LAMP3: variants seen among roughly 807,000 people sequenced by gnomAD.
The protein encoded by LAMP3 is lysosome associated membrane protein 3, also known as lysosome-associated membrane glycoprotein 3.
Under a neutral mutation model 34.8 loss-of-function variants are expected in LAMP3, and 26 were observed. That is an observed-to-expected ratio of 0.75 (90% CI 0.55 to 1.04). LAMP3 has a LOEUF of 1.04. Among genes scored for constraint, LAMP3 ranks in the 50% least tolerant of loss-of-function variants. LAMP3 has a pLI of 0.00. For synonymous variants in LAMP3, 180 were observed against 201.9 expected (o/e 0.89, Z 0.92); for missense variants, 495 against 524.0 (o/e 0.94, Z 0.54).
At chr3:183,133,653 G>A (rs4358320) in intron 5 of LAMP3, among the ~76,000 whole-genome samples, 25,999 of 152,200 alleles carry the variant, frequency 0.17, 4,296 homozygotes, top group African/African-American at 0.43. Flanking sequence ...AACACGCCCA[G>A]TCCTAACTCT....
chr3:183,140,306 C>T (rs1429950567), intron 4 of LAMP3, among the ~76,000 whole-genome samples: 3 of 147,306 alleles, frequency 2.0e-5, no homozygotes, highest in African/African-American at 7.5e-5. Flanking sequence ...ACTTGGGAGG[C>T]TGAGACAAGA....
intron 1 of LAMP3, among the ~76,000 whole-genome samples, chr3:183,157,403 T>C (rs1200243114): frequency 6.6e-6 from 1 of 152,252 alleles, no homozygotes; most frequent in Non-Finnish European, 1.5e-5. Context: ...TTTGAGATTA[T>C]AATGGAGGTT....
intron 1 of LAMP3, among the ~76,000 whole-genome samples, chr3:183,158,486 C>T (rs1720884214): frequency 6.8e-6 from 1 of 148,104 alleles, no homozygotes; most frequent in South Asian, 2.2e-4. Flanking sequence ...CCCCACCCCA[C>T]CCCACCCCAG....
rs1475325396 is a variant in LAMP3, at chr3:183,154,339, T to G, written c.102A>C (p.Arg34Ser). 8.1e-6 allele frequency: 13 copies of G among 1,609,740 alleles called. No homozygotes were observed. In the Admixed American group the frequency reaches 2.2e-4, roughly 27 times the overall value. ...QMRAKAFPET[R>S]DYSQPTAAAT... ...CTGCTGCAGTAGGTTGAGAATAATC[T>G]CTGGTTTCTGGAAATGCTTTTGCTC... is the stretch of plus-strand genomic sequence containing the variant. The change falls in exon 2 of 6, where the codon AGA (arginine) becomes AGC (serine). Residue 34 changes from arginine to serine, a missense_variant. Arg to Ser is a moderately radical substitution (Grantham distance 110). Transcript: ENST00000265598.
At chr3:183,151,375 C>T (rs12496658) in intron 3 of LAMP3, among the ~76,000 whole-genome samples, 13,177 of 151,606 alleles carry the variant, frequency 0.087, 627 homozygotes, top group Admixed American at 0.12. Context: ...ACTGCAATTG[C>T]AGCTGCTGGC....
intron 5 of LAMP3, among the ~76,000 whole-genome samples, chr3:183,127,246 A>C (rs1335026750): frequency 6.6e-6 from 1 of 151,744 alleles, no homozygotes; most frequent in Non-Finnish European, 1.5e-5. Context: ...CCATCCTCCC[A>C]CCTCAGCTTC....
chr3:183,132,810 T>C (rs1409763673), intron 5 of LAMP3: 1 of 985,326 alleles, frequency 1.0e-6, no homozygotes, highest in African/African-American at 1.7e-5. Context: ...TTGAAGAAAG[T>C]GGGGCTTTAC....
At chr3:183,159,394 G>A (rs1375835765) in intron 1 of LAMP3, among the ~76,000 whole-genome samples, 5 of 152,226 alleles carry the variant, frequency 3.3e-5, no homozygotes, top group African/African-American at 7.2e-5. Flanking sequence ...ACACAGGGAC[G>A]GTATGGGAAG....
chr3:183,148,543 C>T (rs1245814020), intron 3 of LAMP3, among the ~76,000 whole-genome samples: 1 of 152,092 alleles, frequency 6.6e-6, no homozygotes, highest in Non-Finnish European at 1.5e-5. Flanking sequence ...AAGATCTGAA[C>T]AGACATTTCT....
rs1720076650 is a variant in LAMP3 at position 183,136,006 on chromosome 3, G to A, written c.947-119C>T. 4 of 786,810 alleles carry A rather than the reference G, an allele frequency of 5.1e-6. No individual in the cohort carries two copies. In the African/African-American group the frequency reaches 5.1e-5, roughly 10 times the overall value. The allele number at this position is 786,810 out of a possible 1,614,324, so 48.7% of individuals were successfully genotyped here. ...TCCTTCCTTCCGAGGGGCTTTCTGG[G>A]GGTTCTGCCACCTTCTCCCCATGAA... On this transcript the variant is annotated intron_variant, in intron 4 of 5. Coordinates refer to ENST00000265598, the MANE Select transcript of LAMP3 (RefSeq NM_014398.4).
At chr3:183,145,105 C>G (rs1398749469) in intron 3 of LAMP3, among the ~76,000 whole-genome samples, 1 of 152,112 alleles carries the variant, frequency 6.6e-6, no homozygotes, top group African/African-American at 2.4e-5. Flanking sequence ...AATGAAGTTA[C>G]TGCAGAATGT....
chr3:183,142,693 G>C (rs1019925549), intron 3 of LAMP3, among the ~76,000 whole-genome samples: 3 of 152,132 alleles, frequency 2.0e-5, no homozygotes, highest in African/African-American at 7.2e-5. Flanking sequence ...CATTATGTGA[G>C]AATTTACTTT....
At chr3:183,142,609 G>A (rs1380380951) in intron 3 of LAMP3, among the ~76,000 whole-genome samples, 1 of 152,026 alleles carries the variant, frequency 6.6e-6, no homozygotes, top group African/African-American at 2.4e-5. Flanking sequence ...GATGCATGTA[G>A]TTTGTAGGTG....
chr3:183,130,175 T>C (rs1719873070), intron 5 of LAMP3, among the ~76,000 whole-genome samples: 1 of 147,024 alleles, frequency 6.8e-6, no homozygotes, highest in Admixed American at 6.8e-5. Context: ...TTTTTTTTTT[T>C]TGAGACGGAG....
At chr3:183,145,064 G>T (rs1013700179) in intron 3 of LAMP3, among the ~76,000 whole-genome samples, 1 of 152,208 alleles carries the variant, frequency 6.6e-6, no homozygotes, top group African/African-American at 2.4e-5. Context: ...GGCCAAAGGG[G>T]TGGAGGAGAA....
In LAMP3 at chr3:183,139,584, C is replaced by T. The variant is rs749876083; in HGVS notation, c.946+954G>A. ...TGAAGTTTAATGTATAAACTGGTCACAGTAAGATATTACAAACAATAACTA... is the reference window on the plus strand; with the variant it reads ...TGAAGTTTAATGTATAAACTGGTCATAGTAAGATATTACAAACAATAACTA... On this transcript the variant is annotated intron_variant, in intron 4 of 5. Transcript: ENST00000265598. Among the ~76,000 whole-genome samples, 70 of 152,038 alleles carry T rather than the reference C, an allele frequency of 4.6e-4. 2 individuals carry two copies. The highest frequency in any genetic ancestry group is 7.3e-5 in the Non-Finnish European group (5 of 68,030).
intron 3 of LAMP3, among the ~76,000 whole-genome samples, chr3:183,150,042 G>A (rs1720582600): frequency 6.6e-6 from 1 of 152,178 alleles, no homozygotes. Context: ...AGGAACATGT[G>A]GCTGGTGAAA....
At chr3:183,143,239 G>T (rs1720339646) in intron 3 of LAMP3, among the ~76,000 whole-genome samples, 1 of 152,046 alleles carries the variant, frequency 6.6e-6, no homozygotes, top group Non-Finnish European at 1.5e-5. Flanking sequence ...CTCCCAAGTA[G>T]CTGGGACTAC....
In LAMP3 at chr3:183,153,703, C is replaced by T; in HGVS notation, c.738G>A (p.Leu246=). 1 of 1,517,204 alleles carries T rather than the reference C, an allele frequency of 6.6e-7. No homozygotes were observed. The highest frequency in any genetic ancestry group is 8.8e-7 in the Non-Finnish European group (1 of 1,133,880). The allele number at this position is 1,517,204 out of a possible 1,614,324, so 94.0% of individuals were successfully genotyped here. A position where few individuals can be genotyped will look rare whatever the true frequency, so the allele number is the denominator to read the frequency against. ...TTACCGACTCCTTGTCTTGAACAAT[C>T]AGCTGTATCCCCATCTCTGCTTTTA... The part of the protein sequence containing the change: ...LCIKAEMGIQ[L]IVQDKESVFS... Residue 246 remains leucine (L), a synonymous_variant, in exon 2 of 6, where the codon CTG becomes CTA. Transcript: ENST00000265598.
Sources: allele counts gnomAD v4.1 joint callset (sites outside exome capture counted in the v4.1 genomes callset), GRCh38; gene constraint gnomAD v4.1.1; transcripts MANE v1.5; gene names NCBI Gene and HGNC (gene_info 2026-07-23, HGNC 2026-07-21).